LRP1B: variants seen among roughly 807,000 people sequenced by gnomAD.
LRP1B encodes the protein low-density lipoprotein receptor-related protein 1B.
Under a neutral mutation model 556.6 loss-of-function variants are expected in LRP1B, and 217 were observed. The ratio of observed to expected loss-of-function variants is 0.39; its 90% CI spans 0.35 to 0.44. The LOEUF (loss-of-function observed/expected upper bound fraction) is 0.44, where lower values mean the gene tolerates loss of function less well. Among genes scored for constraint, LRP1B ranks in the 20% least tolerant of loss-of-function variants. LRP1B has a pLI of 1.00. For missense variants in LRP1B, 5,053 were observed against 5,620.8 expected (o/e 0.90, Z 3.23); for synonymous variants, 2,047 against 1,865.8 (o/e 1.10, Z -2.50).
At chr2:142,108,902 G>A (rs1271225339) in intron 1 of LRP1B, among the ~76,000 whole-genome samples, 2 of 152,096 alleles carry the variant, frequency 1.3e-5, no homozygotes, top group Non-Finnish European at 2.9e-5. Context: ...TTTGTCTCCA[G>A]CCTTCAGCTA....
chr2:140,566,746 G>A (rs1345935961), intron 43 of LRP1B, among the ~76,000 whole-genome samples: 2 of 152,140 alleles, frequency 1.3e-5, no homozygotes, highest in East Asian at 1.9e-4. Context: ...TAACATACCT[G>A]TGCCTGAGCT....
intron 1 of LRP1B, among the ~76,000 whole-genome samples, chr2:141,979,504 T>A (rs1240642863): frequency 2.0e-5 from 3 of 152,084 alleles, no homozygotes; most frequent in Non-Finnish European, 4.4e-5. Context: ...ACCAACATAT[T>A]AAGAATCTTA....
intron 1 of LRP1B, among the ~76,000 whole-genome samples, chr2:142,106,752 A>G (rs1250984945): frequency 2.6e-5 from 4 of 152,144 alleles, no homozygotes; most frequent in East Asian, 1.9e-4. Flanking sequence ...GATGACCTTG[A>G]AAAATCTGAT....
chr2:141,008,622 A>G (rs1014543808), intron 14 of LRP1B, among the ~76,000 whole-genome samples: 4 of 152,000 alleles, frequency 2.6e-5, no homozygotes, highest in East Asian at 1.9e-4. Flanking sequence ...AATAGCTTTC[A>G]TTATCTAGTT....
chr2:141,647,703 G>GTTTTT (rs61107233), intron 2 of LRP1B, among the ~76,000 whole-genome samples: 6 of 145,428 alleles, frequency 4.1e-5, no homozygotes, highest in Admixed American at 6.8e-5. Context: ...TAACCTTCTA[G>GTTTTT]TTTTTTTTTT....
At position 140,475,699 on chromosome 2, in the gene LRP1B, T is replaced by C. The variant is rs1227468560; in HGVS notation, c.9426-362A>G. Among the ~76,000 whole-genome samples the C allele has an allele frequency of 2.6e-5, 4 of 151,870 alleles. No individual in the cohort carries two copies. The East Asian group carries it at 7.7e-4, about 29-fold the overall frequency. ...AATACAATTATCACTATATATACTT[T>C]CTCTTTTGGTGTGTTATCTATGAAA... On this transcript the variant is annotated intron_variant, in intron 59 of 90. Coordinates refer to ENST00000389484, the MANE Select transcript of LRP1B (RefSeq NM_018557.3).
At chr2:141,925,721 T>C (rs982353948) in intron 1 of LRP1B, among the ~76,000 whole-genome samples, 1 of 152,174 alleles carries the variant, frequency 6.6e-6, no homozygotes. Context: ...GATCAACTCA[T>C]GCTGCTAATA....
intron 3 of LRP1B, among the ~76,000 whole-genome samples, chr2:141,268,315 C>T (rs1267171898): frequency 6.6e-6 from 1 of 152,030 alleles, no homozygotes; most frequent in African/African-American, 2.4e-5. Context: ...ATGATATCAA[C>T]AAAAATTTAG....
chr2:140,753,808 G>A (rs763257023), intron 35 of LRP1B, among the ~76,000 whole-genome samples: 3 of 152,164 alleles, frequency 2.0e-5, no homozygotes, highest in Non-Finnish European at 2.9e-5. Flanking sequence ...GGAAAAACAC[G>A]ACACCAACTT....
chr2:141,422,413 G>T (rs149141925), intron 3 of LRP1B, among the ~76,000 whole-genome samples: 2,114 of 152,104 alleles, frequency 0.014, 55 homozygotes, highest in African/African-American at 0.048. Flanking sequence ...ATGTTGTCTT[G>T]GATGTTTTTC....
At chr2:140,393,890 A>AGAG (rs1684135626) in intron 66 of LRP1B, among the ~76,000 whole-genome samples, 2 of 152,176 alleles carry the variant, frequency 1.3e-5, no homozygotes, top group Non-Finnish European at 1.5e-5. Flanking sequence ...GACCTTTTAT[A>AGAG]GAGAAGTCAT....
chr2:141,925,487 G>A (rs559902253), intron 1 of LRP1B, among the ~76,000 whole-genome samples: 2 of 152,132 alleles, frequency 1.3e-5, no homozygotes, highest in Non-Finnish European at 2.9e-5. Context: ...AGCTAAAGGA[G>A]AGGAATTCAT....
At chr2:141,445,789 G>A (rs1000071632) in intron 3 of LRP1B, among the ~76,000 whole-genome samples, 1 of 152,190 alleles carries the variant, frequency 6.6e-6, no homozygotes. Context: ...CTGAGAGACT[G>A]TTATAATTTC....
At chr2:141,165,066 A>G (rs1680191485) in intron 7 of LRP1B, among the ~76,000 whole-genome samples, 4 of 152,176 alleles carry the variant, frequency 2.6e-5, no homozygotes. Flanking sequence ...AAATATCTTC[A>G]TTGATAGATA....
At chr2:140,238,792 G>T (rs1008566346) in intron 88 of LRP1B, among the ~76,000 whole-genome samples, 7 of 150,626 alleles carry the variant, frequency 4.6e-5, no homozygotes, top group African/African-American at 1.7e-4. Context: ...AATAATGTAC[G>T]CTGTACCCAT....
Position 141,886,237 on chromosome 2 carries a change from C to G in LRP1B, c.83-75836G>C, listed in dbSNP as rs183495663. Reference sequence around the variant, plus strand: ...AAAGGTTAAGTGGGTAGGACTACGACTTTATTTTTTCAGTTGTTAGTATTT... The same window carrying G: ...AAAGGTTAAGTGGGTAGGACTACGAGTTTATTTTTTCAGTTGTTAGTATTT... On this transcript the variant is annotated intron_variant, in intron 1 of 90. Transcript: ENST00000389484. 5.1e-4 allele frequency among the ~76,000 whole-genome samples: 77 copies of G among 152,156 alleles called. 1 individual carries two copies. The highest frequency in any genetic ancestry group is 1.8e-3 in the African/African-American group (75 of 41,508).
chr2:140,339,854 T>C (rs1412662932), intron 77 of LRP1B, among the ~76,000 whole-genome samples: 2 of 151,500 alleles, frequency 1.3e-5, no homozygotes, highest in East Asian at 1.9e-4. Flanking sequence ...AAAAAAACTA[T>C]TGCAGAGATG....
chr2:140,267,348 G>T (rs149632644), intron 86 of LRP1B, among the ~76,000 whole-genome samples: 1 of 151,886 alleles, frequency 6.6e-6, no homozygotes, highest in Non-Finnish European at 1.5e-5. Flanking sequence ...GTGGGGAACT[G>T]GTTCCAAGAC....
At chr2:140,673,939 T>C (rs894643795) in intron 41 of LRP1B, among the ~76,000 whole-genome samples, 3 of 144,994 alleles carry the variant, frequency 2.1e-5, no homozygotes, top group Non-Finnish European at 3.0e-5. Context: ...TCTCTTTTCT[T>C]TTTTCTTTTT....
Sources: allele counts gnomAD v4.1 joint callset (sites outside exome capture counted in the v4.1 genomes callset), GRCh38; gene constraint gnomAD v4.1.1; transcripts MANE v1.5; gene names NCBI Gene and HGNC (gene_info 2026-07-23, HGNC 2026-07-21).